Variants in ING5 observed in about 807,000 individuals in gnomAD.
ING5 encodes inhibitor of growth protein 5.
In ING5, 17 loss-of-function variants were observed where a neutral mutation model predicts 37.4. That is an observed-to-expected ratio of 0.45 (90% CI 0.31 to 0.68). The LOEUF is 0.68. Ranked by LOEUF, ING5 falls within the 30% of genes least tolerant of loss-of-function variation. ING5 has a pLI of 0.05. For synonymous variants in ING5, 123 were observed against 116.6 expected, an observed-to-expected ratio of 1.06 and a Z score of -0.36; for missense variants, 233 against 311.9, an observed-to-expected ratio of 0.75 and a Z score of 1.91.
At chr2:241,719,804 G>T (rs970633194) in intron 5 of ING5, 4 of 1,438,396 alleles carry the variant, frequency 2.8e-6, no homozygotes, top group Admixed American at 5.7e-5. Flanking sequence ...CTGACAGTGC[G>T]CTGACCAGCA....
Position 241,725,044 on chromosome 2 carries a change from G to A in ING5, c.*13G>A, listed in dbSNP as rs775764755. On this transcript the variant is annotated 3_prime_UTR_variant, in exon 8 of 8. Transcript: ENST00000313552. ...GAAGAAGAAGTAGGAGGAGCTGTGT[G>A]CCCGGATCCGAGGAGCAAGTTAATC... The A allele has an allele frequency of 9.3e-6, 15 of 1,613,764 alleles. No homozygotes were observed. In the South Asian group the frequency reaches 1.5e-4, roughly 17 times the overall value.
rs1375460240 is a variant in ING5 at position 241,689,397 on chromosome 2, A to G, written c.-773-441A>G. ...AGTGCTGGGATTACAGACGTGAACCACTGCACCTGGCCTACCCTTTCTTCC... is the reference window on the plus strand; with the variant it reads ...AGTGCTGGGATTACAGACGTGAACCGCTGCACCTGGCCTACCCTTTCTTCC... On this transcript the variant is annotated intron_variant, in intron 1 of 7. Coordinates refer to the ING5 transcript ENST00000636051. Among the ~76,000 whole-genome samples the G allele has an allele frequency of 2.6e-5, 4 of 152,358 alleles. No homozygotes were observed. In the East Asian group the frequency reaches 5.8e-4, roughly 22 times the overall value.
chr2:241,687,218 C>T, exon 1 of ING5: 1 of 396,918 alleles, frequency 2.5e-6, no homozygotes, highest in Admixed American at 4.4e-5. Flanking sequence ...GGGCCCGACT[C>T]TCAGGGCCCT....
chr2:241,692,667 A>C (rs890439725), intron 2 of ING5, among the ~76,000 whole-genome samples: 1 of 152,078 alleles, frequency 6.6e-6, no homozygotes, highest in African/African-American at 2.4e-5. Flanking sequence ...AGGACCCCAC[A>C]GGAGCTGACT....
At position 241,688,539 on chromosome 2, in the gene ING5, C is replaced by T. The variant is rs536373565; in HGVS notation, c.-774+477C>T. 3.4e-4 allele frequency among the ~76,000 whole-genome samples: 52 copies of T among 152,276 alleles called. 2 individuals carry two copies. In the South Asian group the frequency reaches 0.01, roughly 30 times the overall value. ...CTTTATGTTTTCCAGACTGAAGCCTCCCCAATTCAGTTTGGGGTTCTGGAA... is the reference window on the plus strand; with the variant it reads ...CTTTATGTTTTCCAGACTGAAGCCTTCCCAATTCAGTTTGGGGTTCTGGAA... On this transcript the variant is annotated intron_variant, in intron 1 of 7. Transcript: ENST00000636051.
At chr2:241,715,757 G>A (rs905758239) in intron 5 of ING5, among the ~76,000 whole-genome samples, 12 of 151,382 alleles carry the variant, frequency 7.9e-5, no homozygotes, top group African/African-American at 2.9e-4. Flanking sequence ...AACATACTGG[G>A]ATTACAGGCG....
intron 5 of ING5, chr2:241,721,409 T>G (rs1253352710): frequency 2.4e-5 from 24 of 985,400 alleles, no homozygotes; most frequent in Non-Finnish European, 2.8e-5. Context: ...AAGAGCAGAT[T>G]ACCTGCAAAG....
chr2:241,713,053 A>G (rs1255940260), intron 5 of ING5, among the ~76,000 whole-genome samples: 1 of 146,270 alleles, frequency 6.8e-6, no homozygotes, highest in Non-Finnish European at 1.5e-5. Flanking sequence ...AAAAGGGACA[A>G]TTTTCTTTTT....
intron 5 of ING5, chr2:241,719,385 T>C: frequency 1.5e-6 from 1 of 656,326 alleles, no homozygotes; most frequent in Non-Finnish European, 2.7e-6. Flanking sequence ...CCCCCCACTC[T>C]GGCTGCAGGT....
chr2:241,709,408 T>C, intron 3 of ING5, 26 bp downstream of exon 3: 10 of 1,598,366 alleles, frequency 6.3e-6, no homozygotes, highest in Non-Finnish European at 8.5e-6. Flanking sequence ...GGGCCATGGC[T>C]CTTCCTCTGA....
upstream of ING5, among the ~76,000 whole-genome samples, chr2:241,699,753 C>T (rs112470581): frequency 0.07 from 10,555 of 151,814 alleles, 512 homozygotes; most frequent in African/African-American, 0.13. Flanking sequence ...GCTCGGGGAG[C>T]CTTTGGGACG....
At chr2:241,713,529 C>T (rs924566385) in intron 5 of ING5, among the ~76,000 whole-genome samples, 10 of 151,806 alleles carry the variant, frequency 6.6e-5, no homozygotes, top group African/African-American at 1.2e-4. Flanking sequence ...TGCCACCACA[C>T]CCAGCCAATT....
At chr2:241,692,794 A>G (rs2069574233) in intron 2 of ING5, among the ~76,000 whole-genome samples, 1 of 152,038 alleles carries the variant, frequency 6.6e-6, no homozygotes, top group Non-Finnish European at 1.5e-5. Flanking sequence ...CTTAGCTCAG[A>G]ACTCCTGAGG....
chr2:241,692,827 T>G (rs1184261498), intron 2 of ING5, among the ~76,000 whole-genome samples: 75 of 152,124 alleles, frequency 4.9e-4, no homozygotes, highest in Admixed American at 4.8e-3. Context: ...AGGAGACGTC[T>G]CCTTTCACCT....
Position 241,728,111 on chromosome 2 carries a change from A to C in ING5, c.*3080A>C, listed in dbSNP as rs1228389318. On this transcript the variant is annotated 3_prime_UTR_variant, in exon 8 of 8. Coordinates refer to ENST00000313552, the MANE Select transcript of ING5 (RefSeq NM_032329.6). ...ATTCCTTGGGCTGTAGTTTGGACCC[A>C]ACTGAATCCTGAGTGCTCTGTGGCT... 1 of 152,276 alleles carries C rather than the reference A, an allele frequency of 6.6e-6. No homozygotes were observed. Among genetic ancestry groups the C allele is most frequent in the Non-Finnish European group, 1.5e-5 (1 of 68,054 alleles). 9.4% of individuals were successfully genotyped at this position (152,276 alleles called of 1,614,324 possible).
intron 2 of ING5, 115 bp from the exon 3 acceptor site, chr2:241,709,101 T>C: frequency 8.9e-7 from 1 of 1,126,404 alleles, no homozygotes; most frequent in Non-Finnish European, 1.3e-6. Flanking sequence ...CGTGAGTTCA[T>C]GTCAGCCTAC....
chr2:241,690,075 G>A (rs113068202), exon 2 of ING5: 4,034 of 152,296 alleles, frequency 0.026, 244 homozygotes, highest in East Asian at 0.21. Flanking sequence ...CAGCGCATCC[G>A]CCTTGGTGGA....
chr2:241,720,536 G>A, intron 5 of ING5: 1 of 990,564 alleles, frequency 1.0e-6, no homozygotes. Flanking sequence ...CTCTGGCGAG[G>A]CAGAACCTGT....
rs771777443 is a variant in ING5 at position 241,722,936 on chromosome 2, C to T, written c.483-3C>T. 16 of 1,613,850 alleles carry T rather than the reference C, an allele frequency of 9.9e-6. No homozygotes were observed. The highest frequency in any genetic ancestry group is 9.3e-6 in the Non-Finnish European group (11 of 1,180,018). On this transcript the variant is annotated splice_polypyrimidine_tract_variant and splice_region_variant and intron_variant, in intron 5 of 7. Coordinates refer to ENST00000313552, the MANE Select transcript of ING5 (RefSeq NM_032329.6). ...AGTGGTGCCTGTGCCCTGTCCCCTG[C>T]AGGTCTGAGTTCACTGACACCATCC...
Sources: gnomAD v4.1 joint callset for allele counts (sites outside exome capture counted in the v4.1 genomes callset) on GRCh38, gnomAD v4.1.1 for gene constraint, MANE v1.5 for transcripts, NCBI Gene and HGNC (gene_info 2026-07-23, HGNC 2026-07-21) for gene names.